The following GRB14 variants were observed in gnomAD, a reference collection of about 807,000 sequenced individuals.
GRB14 encodes the protein growth factor receptor bound protein 14.
GRB14 carries 38 observed loss-of-function variants against 69.1 expected under a neutral mutation model. The observed-to-expected ratio is 0.55, with a 90% CI of 0.42 to 0.72. GRB14 has a LOEUF of 0.72. Ranked by LOEUF, GRB14 falls within the 30% of genes least tolerant of loss-of-function variation. The probability of loss-of-function intolerance (pLI) is 0.00; values close to 1 mark genes in which losing one functional copy is unlikely to be tolerated. For missense variants in GRB14, 666 were observed against 666.1 expected, an observed-to-expected ratio of 1.00 and a Z score of 0.00; for synonymous variants, 247 against 241.3, an observed-to-expected ratio of 1.02 and a Z score of -0.22.
intron 3 of GRB14, among the ~76,000 whole-genome samples, chr2:164,533,224 CTTTTTTT>C (rs537913705): frequency 5.0e-5 from 4 of 80,368 alleles, no homozygotes; most frequent in Admixed American, 1.6e-4. Flanking sequence ...GTTTCCAATT[CTTTTTTT>C]TTTTTTTTTT....
chr2:164,539,153 G>A (rs1688165049), intron 3 of GRB14, among the ~76,000 whole-genome samples: 1 of 152,082 alleles, frequency 6.6e-6, no homozygotes, highest in South Asian at 2.1e-4. Flanking sequence ...ACTAGTAGTA[G>A]CTATCACACA....
chr2:164,617,959 T>TGG (rs68125620), intron 2 of GRB14, among the ~76,000 whole-genome samples: 59 of 77,088 alleles, frequency 7.7e-4, no homozygotes, highest in South Asian at 1.7e-3. Flanking sequence ...ATCTTTTTTT[T>TGG]GGGGGGGGGG....
chr2:164,496,405 A>G lies in GRB14; in HGVS notation c.1382+603T>C, dbSNP rs1686895265. Reference sequence around the variant, plus strand: ...TTATAAATCTTTCATAATACATTTTATATTTCTCTTTTGTATTCCATGGTA... The same window carrying G: ...TTATAAATCTTTCATAATACATTTTGTATTTCTCTTTTGTATTCCATGGTA... On this transcript the variant is annotated intron_variant, in intron 12 of 13. Coordinates refer to ENST00000263915, the MANE Select transcript of GRB14 (RefSeq NM_004490.3). 2.0e-5 allele frequency among the ~76,000 whole-genome samples: 3 copies of G among 152,286 alleles called. No individual in the cohort carries two copies. In the South Asian group the frequency reaches 6.2e-4, roughly 32 times the overall value.
intron 2 of GRB14, among the ~76,000 whole-genome samples, chr2:164,556,218 A>C (rs940111043): frequency 1.3e-5 from 2 of 152,310 alleles, no homozygotes; most frequent in African/African-American, 2.4e-5. Context: ...AAAAGACCCT[A>C]ACAGCTCAAG....
chr2:164,518,594 A>T (rs945431993), intron 6 of GRB14, among the ~76,000 whole-genome samples: 11 of 152,144 alleles, frequency 7.2e-5, no homozygotes, highest in African/African-American at 2.7e-4. Context: ...GTTCTTTGTA[A>T]AGATAAATAA....
At chr2:164,547,028 T>C (rs1367660212) in intron 3 of GRB14, among the ~76,000 whole-genome samples, 1 of 151,890 alleles carries the variant, frequency 6.6e-6, no homozygotes, top group Non-Finnish European at 1.5e-5. Context: ...AGGCACCACC[T>C]AGAGCCAAAA....
chr2:164,521,119 T>C (rs1687622678), intron 6 of GRB14, among the ~76,000 whole-genome samples: 1 of 151,962 alleles, frequency 6.6e-6, no homozygotes, highest in Admixed American at 6.6e-5. Context: ...TCCCCATCAA[T>C]CAACGAGTGG....
chr2:164,585,673 C>T (rs1239616346), intron 2 of GRB14, among the ~76,000 whole-genome samples: 1 of 151,962 alleles, frequency 6.6e-6, no homozygotes, highest in Non-Finnish European at 1.5e-5. Context: ...ACATTGTATG[C>T]CTTAAATATA....
intron 2 of GRB14, among the ~76,000 whole-genome samples, chr2:164,587,761 T>A (rs1223309094): frequency 6.6e-6 from 1 of 152,140 alleles, no homozygotes; most frequent in Non-Finnish European, 1.5e-5. Context: ...ACATTTAGGA[T>A]TATCTCCCCA....
At chr2:164,606,272 A>G (rs975002734) in intron 2 of GRB14, among the ~76,000 whole-genome samples, 62 of 152,246 alleles carry the variant, frequency 4.1e-4, no homozygotes, top group Middle Eastern at 3.4e-3. Context: ...TTGCCCCTAG[A>G]AATCCCTTTT....
At chr2:164,597,710 G>T (rs1293617474) in intron 2 of GRB14, among the ~76,000 whole-genome samples, 2 of 151,900 alleles carry the variant, frequency 1.3e-5, no homozygotes, top group Non-Finnish European at 2.9e-5. Flanking sequence ...ACAGAAGGAA[G>T]AAAGGAGTGA....
chr2:164,552,903 C>T (rs537972930), intron 2 of GRB14, among the ~76,000 whole-genome samples: 23 of 152,314 alleles, frequency 1.5e-4, no homozygotes, highest in Non-Finnish European at 1.0e-4. Context: ...AAGATGACCA[C>T]TCCTGAGAGA....
chr2:164,560,120 C>T (rs1028908024), intron 2 of GRB14, among the ~76,000 whole-genome samples: 6 of 152,138 alleles, frequency 3.9e-5, no homozygotes, highest in African/African-American at 1.2e-4. Flanking sequence ...GCCACAGAAC[C>T]CCATTTCTGG....
chr2:164,582,694 C>T (rs1268337991), intron 2 of GRB14, among the ~76,000 whole-genome samples: 1 of 152,180 alleles, frequency 6.6e-6, no homozygotes, highest in Non-Finnish European at 1.5e-5. Flanking sequence ...GCTGGGATTA[C>T]AGGCGTGAGC....
chr2:164,533,387 T>C (rs1278893435), intron 3 of GRB14, among the ~76,000 whole-genome samples: 1 of 151,680 alleles, frequency 6.6e-6, no homozygotes, highest in Non-Finnish European at 1.5e-5. Flanking sequence ...CACCCGCCAC[T>C]GCGCCCGGCT....
At position 164,596,330 on chromosome 2, in the gene GRB14, A is replaced by G. The variant is rs1168966670; in HGVS notation, c.324+23357T>C. 3.9e-5 allele frequency among the ~76,000 whole-genome samples: 6 copies of G among 152,218 alleles called. No individual in the cohort carries two copies. In the East Asian group the frequency reaches 1.2e-3, roughly 29 times the overall value. On this transcript the variant is annotated intron_variant, in intron 2 of 13. Coordinates refer to ENST00000263915, the MANE Select transcript of GRB14 (RefSeq NM_004490.3). ...TGAACCAAGCATCAATAAAGCAGTA[A>G]GGGTTGTTTTGTCTTTTGAAATATT...
intron 2 of GRB14, among the ~76,000 whole-genome samples, chr2:164,563,592 A>G (rs1688889699): frequency 6.6e-6 from 1 of 152,244 alleles, no homozygotes; most frequent in African/African-American, 2.4e-5. Flanking sequence ...ATCTTTCCAT[A>G]AAAGGAAAAA....
At chr2:164,515,536 C>T (rs1687459114) in intron 6 of GRB14, among the ~76,000 whole-genome samples, 1 of 152,106 alleles carries the variant, frequency 6.6e-6, no homozygotes, top group Admixed American at 6.5e-5. Context: ...TAAGGGAGCA[C>T]CCTGTGGGAC....
At chr2:164,573,289 T>C (rs779883656) in intron 2 of GRB14, among the ~76,000 whole-genome samples, 4 of 152,222 alleles carry the variant, frequency 2.6e-5, no homozygotes, top group Non-Finnish European at 4.4e-5. Context: ...TATGTTCACA[T>C]ACAATCAATG....
Sources: allele counts gnomAD v4.1 joint callset (sites outside exome capture counted in the v4.1 genomes callset), GRCh38; gene constraint gnomAD v4.1.1; transcripts MANE v1.5; gene names NCBI Gene and HGNC (gene_info 2026-07-23, HGNC 2026-07-21).